BIRC2: variants seen among roughly 807,000 people sequenced by gnomAD.
The protein encoded by BIRC2 is baculoviral IAP repeat containing 2, also known as baculoviral IAP repeat-containing protein 2.
Under a neutral mutation model 60.9 loss-of-function variants are expected in BIRC2, and 18 were observed. The observed-to-expected ratio is 0.30, with a 90% CI of 0.20 to 0.44. The LOEUF (loss-of-function observed/expected upper bound fraction) is 0.44. BIRC2 is among the 20% of genes least tolerant of loss of function. BIRC2 has a pLI of 1.00. For missense variants in BIRC2, 701 were observed against 728.5 expected (o/e 0.96, Z 0.43); for synonymous variants, 282 against 247.7 (o/e 1.14, Z -1.30).
intron 5 of BIRC2, among the ~76,000 whole-genome samples, chr11:102,365,918 G>A (rs533461890): frequency 3.3e-5 from 5 of 152,222 alleles, no homozygotes; most frequent in African/African-American, 1.2e-4. Context: ...CACATTTTTT[G>A]CTTGACTTAT....
chr11:102,368,063 TTAAG>T (rs758439459), intron 5 of BIRC2, among the ~76,000 whole-genome samples: 2 of 152,232 alleles, frequency 1.3e-5, no homozygotes, highest in Non-Finnish European at 1.5e-5. Context: ...GAATCTTTCA[TTAAG>T]TAAGTCTAGG....
chr11:102,349,766 A>G lies in BIRC2; in HGVS notation c.-89A>G, dbSNP rs1449026951. On this transcript the variant is annotated 5_prime_UTR_variant, in exon 2 of 9. Transcript: ENST00000227758. ...AGTAAATTCTACATAAGAGTCTATC[A>G]TTGATTTCTTTTTGTGGTAAAAATC... 1.5e-6 allele frequency: 2 copies of G among 1,328,892 alleles called. No individual in the cohort carries two copies. Among genetic ancestry groups the G allele is most frequent in the African/African-American group, 1.5e-5 (1 of 67,710 alleles). 82.3% of individuals were successfully genotyped at this position (1,328,892 alleles called of 1,614,324 possible).
At position 102,377,906 on chromosome 11, in the gene BIRC2, A is replaced by G. The variant is rs762036588; in HGVS notation, c.1663+8A>G. ...CAACAGAAGATGTTTCAGGTAAAAC[A>G]AAGATTTAAAACCAACATGAACTAT... On this transcript the variant is annotated splice_region_variant and intron_variant, in intron 8 of 8. Coordinates refer to ENST00000227758, the MANE Select transcript of BIRC2 (RefSeq NM_001166.5). 6.2e-7 allele frequency: 1 copy of G among 1,610,224 alleles called. No individual in the cohort carries two copies. The highest frequency in any genetic ancestry group is 1.1e-5 in the South Asian group (1 of 89,780).
chr11:102,375,508 C>G (rs776095714), intron 6 of BIRC2, among the ~76,000 whole-genome samples: 1 of 152,114 alleles, frequency 6.6e-6, no homozygotes, highest in Non-Finnish European at 1.5e-5. Flanking sequence ...AGGCTGGGCG[C>G]GGTGGCTCAT....
intron 5 of BIRC2, among the ~76,000 whole-genome samples, chr11:102,364,209 A>AGAGAGAGT (rs1951526723): frequency 7.0e-6 from 1 of 143,558 alleles, no homozygotes; most frequent in Non-Finnish European, 1.5e-5. Flanking sequence ...AGAGAGAGAG[A>AGAGAGAGT]GAGAGAGTGT....
In BIRC2 at chr11:102,378,230, A is replaced by T; in HGVS notation, c.*47A>T. On this transcript the variant is annotated 3_prime_UTR_variant, in exon 9 of 9. Transcript: ENST00000227758. ...ACCTGCATAAAAAGGTCTTTAAAAT[A>T]TTGTTGAACACTTGAAGCCATCTAA... The T allele has an allele frequency of 7.1e-7, 1 of 1,413,702 alleles. No individual in the cohort carries two copies. The highest frequency in any genetic ancestry group is 9.5e-7 in the Non-Finnish European group (1 of 1,057,360). The allele number at this position is 1,413,702 out of a possible 1,614,324, so 87.6% of individuals were successfully genotyped here. A position where few individuals can be genotyped will look rare whatever the true frequency, so the allele number is the denominator to read the frequency against.
intron 5 of BIRC2, among the ~76,000 whole-genome samples, chr11:102,364,680 A>G (rs932874593): frequency 1.2e-4 from 19 of 152,228 alleles, no homozygotes; most frequent in Admixed American, 9.8e-4. Flanking sequence ...AGATTGGCAG[A>G]TTTGTTAACT....
intron 5 of BIRC2, among the ~76,000 whole-genome samples, chr11:102,367,007 A>T (rs978359608): frequency 1.3e-5 from 2 of 152,116 alleles, no homozygotes; most frequent in African/African-American, 4.8e-5. Flanking sequence ...TGCTTAGAAG[A>T]CTTCTTTGAG....
intron 3 of BIRC2, 28 bp downstream of exon 3, chr11:102,350,971 C>CA (rs764669969): frequency 1.2e-6 from 2 of 1,600,512 alleles, no homozygotes; most frequent in Non-Finnish European, 1.7e-6. Context: ...GGTATTTGTA[C>CA]AAAAAACTCT....
In BIRC2 at chr11:102,349,888, G is replaced by A. The variant is rs777390642; in HGVS notation, c.34G>A (p.Gly12Ser). 1 of 1,611,612 alleles carries A rather than the reference G, an allele frequency of 6.2e-7. No individual in the cohort carries two copies. The highest frequency in any genetic ancestry group is 8.5e-7 in the Non-Finnish European group (1 of 1,178,448). The change falls in exon 2 of 9, where the codon GGT (glycine) becomes AGT (serine). Residue 12 changes from glycine to serine, a missense_variant. Physicochemically the swap from Gly to Ser is moderately conservative, Grantham distance 56. Transcript: ENST00000227758. ...AACTGCCTCCCAAAGACTTTTCCCAGGTCCCTCGTATCAAAACATTAAGAG... is the reference window on the plus strand; with the variant it reads ...AACTGCCTCCCAAAGACTTTTCCCAAGTCCCTCGTATCAAAACATTAAGAG... ...HKTASQRLFPGPSYQNIKSIM... is the reference protein window; with the variant it reads ...HKTASQRLFPSPSYQNIKSIM...
chr11:102,358,413 G>A (rs937361730), intron 3 of BIRC2, among the ~76,000 whole-genome samples: 13 of 152,162 alleles, frequency 8.5e-5, no homozygotes, highest in Admixed American at 3.3e-4. Context: ...TCTAAAAAAT[G>A]TAAAATTCAA....
chr11:102,376,751 G>C (rs1169702869), intron 6 of BIRC2, among the ~76,000 whole-genome samples: 1 of 151,976 alleles, frequency 6.6e-6, no homozygotes, highest in Non-Finnish European at 1.5e-5. Context: ...AAATAATAAT[G>C]GTAGTTAACT....
chr11:102,350,795 C>G (rs1951350279), intron 2 of BIRC2, 46 bp downstream of exon 2: 2 of 1,601,044 alleles, frequency 1.2e-6, no homozygotes, highest in Non-Finnish European at 1.7e-6. Context: ...TTTTAATTTA[C>G]ATATTAGAAC....
intron 3 of BIRC2, 95 bp from the exon 4 acceptor site, chr11:102,362,801 G>A: frequency 1.1e-6 from 1 of 911,480 alleles, no homozygotes; most frequent in Non-Finnish European, 1.7e-6. Flanking sequence ...TTACTATGGA[G>A]TACAATGAAA....
chr11:102,376,941 A>G (rs150635783), intron 6 of BIRC2, among the ~76,000 whole-genome samples: 43 of 152,248 alleles, frequency 2.8e-4, no homozygotes, highest in African/African-American at 8.7e-4. Flanking sequence ...TTGACTTGGC[A>G]ACTCAAACCC....
intron 3 of BIRC2, among the ~76,000 whole-genome samples, chr11:102,357,756 T>G (rs1951439914): frequency 6.6e-6 from 1 of 152,148 alleles, no homozygotes; most frequent in African/African-American, 2.4e-5. Context: ...TCTTTTCTAT[T>G]GTTTTTGTAG....
intron 4 of BIRC2, 77 bp downstream of exon 4, chr11:102,363,051 T>C: frequency 1.7e-6 from 2 of 1,148,718 alleles, no homozygotes; most frequent in South Asian, 2.8e-5. Context: ...GGTATAAAAG[T>C]GATCATGATT....
chr11:102,353,490 G>A (rs1482299136), intron 3 of BIRC2, among the ~76,000 whole-genome samples: 1 of 151,796 alleles, frequency 6.6e-6, no homozygotes, highest in Non-Finnish European at 1.5e-5. Flanking sequence ...AGTAGTTTTT[G>A]TATTTTTAGT....
rs1156539517 is a variant in BIRC2 at position 102,350,624 on chromosome 11, T to C, written c.770T>C (p.Leu257Pro). ...CPFLENSLET[L>P]RFSISNLSMQ... ...TTTTTGGAAAATTCTCTAGAAACTC[T>C]GAGGTTTAGCATTTCAAATCTGAGC... The change falls in exon 2 of 9, where the codon CTG becomes CCG. Residue 257 changes from leucine to proline, a missense_variant. Physicochemically the swap from Leu to Pro is moderately conservative, Grantham distance 98 (BLOSUM62 -3). Transcript: ENST00000227758. 2 of 1,614,026 alleles carry C rather than the reference T, an allele frequency of 1.2e-6. No homozygotes were observed. Among genetic ancestry groups the C allele is most frequent in the Non-Finnish European group, 1.7e-6 (2 of 1,180,042 alleles).
Sources: gnomAD v4.1 joint callset for allele counts (sites outside exome capture counted in the v4.1 genomes callset) on GRCh38, gnomAD v4.1.1 for gene constraint, MANE v1.5 for transcripts, NCBI Gene and HGNC (gene_info 2026-07-23, HGNC 2026-07-21) for gene names.